KLRG1: variants seen among roughly 807,000 people sequenced by gnomAD.
KLRG1 encodes killer cell lectin-like receptor subfamily G member 1.
KLRG1 carries 16 observed loss-of-function variants against 21.8 expected under a neutral mutation model. The observed-to-expected ratio is 0.73, with a 90% CI of 0.50 to 1.11. The LOEUF (loss-of-function observed/expected upper bound fraction) is 1.11. Among genes scored for constraint, KLRG1 ranks in the 50% most tolerant of loss-of-function variants. The probability of loss-of-function intolerance (pLI) is 0.00; values close to 1 mark genes in which losing one functional copy is unlikely to be tolerated. For missense variants in KLRG1, 173 were observed against 218.3 expected (o/e 0.79, Z 1.31); for synonymous variants, 69 against 75.9 (o/e 0.91, Z 0.47).
intron 3 of KLRG1, among the ~76,000 whole-genome samples, chr12:9,001,444 A>C (rs1006273879): frequency 4.6e-5 from 7 of 152,122 alleles, no homozygotes; most frequent in African/African-American, 1.4e-4. Context: ...TTTCCCCTGC[A>C]GGCTCTACCC....
chr12:9,104,147 A>G, the KLRG1 span: 11 of 1,317,690 alleles, frequency 8.3e-6, no homozygotes, highest in African/African-American at 1.5e-5. Flanking sequence ...TCTCCATAGA[A>G]CTAGACACAG....
At chr12:9,110,190 T>C in the KLRG1 span, 8 of 1,110,964 alleles carry the variant, frequency 7.2e-6, no homozygotes, top group Non-Finnish European at 7.7e-6. Flanking sequence ...TCTAGCTCTA[T>C]GGGAGTTTGA....
chr12:9,097,632 CTTT>C, the KLRG1 span, among the ~76,000 whole-genome samples: 34 of 127,074 alleles, frequency 2.7e-4, no homozygotes, highest in Admixed American at 3.3e-4. Context: ...TGATGTAATT[CTTT>C]TTTTTTTTTT....
chr12:8,963,960 A>G (rs897828193), intron 1 of KLRG1, among the ~76,000 whole-genome samples: 3 of 151,864 alleles, frequency 2.0e-5, no homozygotes, highest in African/African-American at 7.3e-5. Flanking sequence ...TGGTCTATCA[A>G]TTTTGTTTAT....
At chr12:9,004,701 G>A (rs1025889114) in intron 3 of KLRG1, among the ~76,000 whole-genome samples, 7 of 152,152 alleles carry the variant, frequency 4.6e-5, no homozygotes, top group African/African-American at 1.7e-4. Flanking sequence ...GGCTGGTCCT[G>A]AACTCCTGGC....
At chr12:9,041,711 G>A in the KLRG1 span, among the ~76,000 whole-genome samples, 853 of 152,286 alleles carry the variant, frequency 5.6e-3, 4 homozygotes, top group Non-Finnish European at 7.0e-3. Context: ...AGAGTGAGAG[G>A]TCAAGTTATC....
At chr12:9,026,604 AAGTT>A in the KLRG1 span, among the ~76,000 whole-genome samples, 1 of 152,130 alleles carries the variant, frequency 6.6e-6, no homozygotes, top group East Asian at 1.9e-4. Context: ...CTTCTCAAGT[AAGTT>A]AGTTATTTGT....
intron 1 of KLRG1, among the ~76,000 whole-genome samples, chr12:8,991,813 C>T (rs1220936599): frequency 1.3e-5 from 2 of 152,006 alleles, no homozygotes; most frequent in African/African-American, 4.8e-5. Flanking sequence ...ATTTTGCACC[C>T]GCGAGTATCT....
chr12:9,145,087 A>G, the KLRG1 span, among the ~76,000 whole-genome samples: 1 of 152,190 alleles, frequency 6.6e-6, no homozygotes, highest in Non-Finnish European at 1.5e-5. Context: ...AGTACCTTGT[A>G]TATAGAATAT....
chr12:9,083,651 T>A, the KLRG1 span, among the ~76,000 whole-genome samples: 2,541 of 150,358 alleles, frequency 0.017, 77 homozygotes, highest in African/African-American at 0.059. Context: ...TTATGGGACA[T>A]CATCATGAAA....
the KLRG1 span, chr12:9,074,485 G>C: frequency 2.2e-6 from 3 of 1,364,972 alleles, no homozygotes; most frequent in South Asian, 4.1e-5. Context: ...TTTCTTCTTG[G>C]ATGTGTTTGT....
chr12:9,153,682 G>C, the KLRG1 span, among the ~76,000 whole-genome samples: 1 of 152,180 alleles, frequency 6.6e-6, no homozygotes, highest in African/African-American at 2.4e-5. Context: ...CAGTTAGATG[G>C]AAGAGTGATA....
At chr12:9,059,943 C>G in the KLRG1 span, among the ~76,000 whole-genome samples, 1 of 150,628 alleles carries the variant, frequency 6.6e-6, no homozygotes, top group Non-Finnish European at 1.5e-5. Context: ...GCCTCCCAAA[C>G]CAAAGTGTTG....
the KLRG1 span, among the ~76,000 whole-genome samples, chr12:9,109,158 A>G: frequency 1.3e-5 from 2 of 152,234 alleles, no homozygotes; most frequent in Non-Finnish European, 1.5e-5. Flanking sequence ...GAAAATAAAA[A>G]TAGAAAAGCA....
At position 9,010,195 on chromosome 12, in the gene KLRG1, A is replaced by T. The variant is rs934733199; in HGVS notation, c.*658A>T. Reference sequence around the variant, plus strand: ...AGCAAGACTCCATCTCTAAAAAAAAAAAAAAATGCTAATGTGAGAATATAA... The same window carrying T: ...AGCAAGACTCCATCTCTAAAAAAAATAAAAAATGCTAATGTGAGAATATAA... On this transcript the variant is annotated 3_prime_UTR_variant, in exon 5 of 5. Transcript: ENST00000356986. 1 of 542,478 alleles carries T rather than the reference A, an allele frequency of 1.8e-6. No individual in the cohort carries two copies. Among genetic ancestry groups the T allele is most frequent in the Middle Eastern group, 4.8e-4 (1 of 2,064 alleles). 33.6% of individuals were successfully genotyped at this position (542,478 alleles called of 1,614,324 possible). A position where few individuals can be genotyped will look rare whatever the true frequency, so the allele number is the denominator to read the frequency against.
At chr12:9,090,051 T>C in the KLRG1 span, 50 of 1,438,808 alleles carry the variant, frequency 3.5e-5, no homozygotes, top group Middle Eastern at 5.4e-4. Context: ...TAGAAATGAA[T>C]AGCATCTTCC....
At chr12:9,002,316 A>G (rs922398263) in intron 3 of KLRG1, among the ~76,000 whole-genome samples, 1 of 152,160 alleles carries the variant, frequency 6.6e-6, no homozygotes, top group African/African-American at 2.4e-5. Flanking sequence ...TTTAATTTCA[A>G]TTAAAAATAC....
At chr12:9,026,467 C>A in the KLRG1 span, among the ~76,000 whole-genome samples, 1 of 152,196 alleles carries the variant, frequency 6.6e-6, no homozygotes, top group Admixed American at 6.5e-5. Flanking sequence ...AGGTCCTTCT[C>A]AGCTCCATGT....
the KLRG1 span, chr12:9,149,725 T>C: frequency 3.2e-5 from 25 of 777,260 alleles, no homozygotes; most frequent in Admixed American, 7.8e-5. Context: ...CAAAACTTCA[T>C]GTAAATAGAC....
Sources: gnomAD v4.1 joint callset for allele counts (sites outside exome capture counted in the v4.1 genomes callset) on GRCh38, gnomAD v4.1.1 for gene constraint, MANE v1.5 for transcripts, NCBI Gene and HGNC (gene_info 2026-07-23, HGNC 2026-07-21) for gene names.